The following VCL variants were observed in gnomAD, a reference collection of about 807,000 sequenced individuals.
The protein encoded by VCL is epididymis luminal protein 114.
A neutral mutation model predicts 125.7 loss-of-function variants in VCL; 47 were observed. The ratio of observed to expected loss-of-function variants is 0.37; its 90% CI spans 0.30 to 0.48. VCL has a LOEUF of 0.48. VCL is among the 20% of genes least tolerant of loss of function. The pLI is 0.99. For missense variants in VCL, 1,069 were observed against 1,455.5 expected, an observed-to-expected ratio of 0.73 and a Z score of 4.32; for synonymous variants, 458 against 514.6, an observed-to-expected ratio of 0.89 and a Z score of 1.49.
chr10:74,032,095 C>T (rs556684202), intron 1 of VCL, among the ~76,000 whole-genome samples: 193 of 137,414 alleles, frequency 1.4e-3, no homozygotes, highest in Non-Finnish European at 2.3e-3. Flanking sequence ...AAAAAAAAGC[C>T]GGGTGTGGTT....
At chr10:74,068,087 GT>G (rs746347997) in intron 2 of VCL, among the ~76,000 whole-genome samples, 2 of 152,204 alleles carry the variant, frequency 1.3e-5, no homozygotes, top group African/African-American at 2.4e-5. Context: ...GGTAAGAACT[GT>G]TTAGTATAAC....
rs1210270228 is a variant in VCL, at chr10:74,119,541, G to C, written c.*1372G>C. 1 of 152,174 alleles carries C rather than the reference G, an allele frequency of 6.6e-6. No individual in the cohort carries two copies. Among genetic ancestry groups the C allele is most frequent in the Non-Finnish European group, 1.5e-5 (1 of 68,040 alleles). 9.4% of individuals were successfully genotyped at this position (152,174 alleles called of 1,614,324 possible). A position where few individuals can be genotyped will look rare whatever the true frequency, so the allele number is the denominator to read the frequency against. ...AAGTTCCTACTAGGCAAAATGAGAGGGCAGTGTTTCCTTTTTGGTACTTAT... is the reference window on the plus strand; with the variant it reads ...AAGTTCCTACTAGGCAAAATGAGAGCGCAGTGTTTCCTTTTTGGTACTTAT... On this transcript the variant is annotated 3_prime_UTR_variant, in exon 22 of 22. Coordinates refer to ENST00000211998, the MANE Select transcript of VCL (RefSeq NM_014000.3).
chr10:74,018,177 G>GATATATAGGATATATAT (rs1555114492), intron 1 of VCL, among the ~76,000 whole-genome samples: 1 of 81,908 alleles, frequency 1.2e-5, no homozygotes, highest in African/African-American at 4.4e-5. Flanking sequence ...ATATATATAG[G>GATATATAGGATATATAT]ATATATATAT....
chr10:74,042,516 C>A (rs1425070729), intron 1 of VCL, among the ~76,000 whole-genome samples: 1 of 152,150 alleles, frequency 6.6e-6, no homozygotes, highest in Admixed American at 6.5e-5. Flanking sequence ...TCCATTGTTG[C>A]ATTCAGCATT....
intron 1 of VCL, among the ~76,000 whole-genome samples, chr10:74,002,066 C>T (rs1336709324): frequency 6.6e-6 from 1 of 152,098 alleles, no homozygotes; most frequent in African/African-American, 2.4e-5. Context: ...TTTATTGAGA[C>T]CCCTTCCAAT....
chr10:74,007,285 G>T (rs1840337420), intron 1 of VCL, among the ~76,000 whole-genome samples: 1 of 151,910 alleles, frequency 6.6e-6, no homozygotes, highest in South Asian at 2.1e-4. Context: ...GGCCAGGATT[G>T]TAACTTTAAG....
chr10:74,047,477 C>G (rs540230563), intron 2 of VCL, among the ~76,000 whole-genome samples: 2 of 152,196 alleles, frequency 1.3e-5, no homozygotes, highest in Non-Finnish European at 2.9e-5. Flanking sequence ...GTAGGACATT[C>G]TTTTGAGCTG....
intron 2 of VCL, among the ~76,000 whole-genome samples, chr10:74,043,833 C>T (rs1055850721): frequency 1.2e-4 from 18 of 151,454 alleles, no homozygotes; most frequent in African/African-American, 3.9e-4. Context: ...TTTGGCCGGG[C>T]GTGGTGGCTC....
chr10:74,083,883 G>T (rs1421027211), intron 8 of VCL, among the ~76,000 whole-genome samples: 5 of 151,154 alleles, frequency 3.3e-5, no homozygotes, highest in Admixed American at 6.6e-5. Flanking sequence ...TTGTTTGTTT[G>T]TTTGAGATGG....
intron 17 of VCL, 126 bp downstream of exon 17, chr10:74,107,480 G>C (rs1840154195): frequency 6.8e-7 from 1 of 1,470,358 alleles, no homozygotes; most frequent in Admixed American, 1.8e-5. Flanking sequence ...TTGAAGCTTA[G>C]TGGGAGGCAG....
chr10:74,062,134 G>A (rs1287066869), intron 2 of VCL, among the ~76,000 whole-genome samples: 6 of 151,386 alleles, frequency 4.0e-5, no homozygotes, highest in African/African-American at 4.9e-5. Context: ...GCACAATCAC[G>A]GCTCACTGCA....
chr10:74,110,250 T>G (rs1053150350), intron 18 of VCL, among the ~76,000 whole-genome samples: 1 of 152,106 alleles, frequency 6.6e-6, no homozygotes, highest in African/African-American at 2.4e-5. Flanking sequence ...TAAAGGAAAT[T>G]TAAATTTCAT....
intron 1 of VCL, among the ~76,000 whole-genome samples, chr10:74,013,083 C>T (rs1472457615): frequency 6.6e-6 from 1 of 152,094 alleles, no homozygotes; most frequent in African/African-American, 2.4e-5. Context: ...CATCATAGTG[C>T]TTGGCATATA....
chr10:74,104,392 G>C (rs1424657315), intron 15 of VCL, among the ~76,000 whole-genome samples: 1 of 152,098 alleles, frequency 6.6e-6, no homozygotes. Flanking sequence ...TTAAAAAGGA[G>C]AAACCAACCA....
chr10:74,099,514 G>A (rs1034582877), intron 13 of VCL, among the ~76,000 whole-genome samples: 6 of 152,098 alleles, frequency 3.9e-5, no homozygotes, highest in African/African-American at 7.2e-5. Context: ...CTGTTTTCGA[G>A]TGCTTTTTTC....
intron 8 of VCL, among the ~76,000 whole-genome samples, chr10:74,084,970 T>C (rs1186450046): frequency 6.6e-6 from 1 of 152,178 alleles, no homozygotes; most frequent in African/African-American, 2.4e-5. Flanking sequence ...AGTGCAGTGG[T>C]ATGATCATAG....
At chr10:74,043,300 TA>T in intron 2 of VCL, 147 bp downstream of exon 2, 2 of 749,070 alleles carry the variant, frequency 2.7e-6, no homozygotes, top group South Asian at 1.7e-5. Context: ...CTAACTTTTT[TA>T]AAAAAACTGT....
intron 21 of VCL, among the ~76,000 whole-genome samples, chr10:74,117,316 A>G (rs1171440367): frequency 6.6e-6 from 1 of 152,144 alleles, no homozygotes; most frequent in Non-Finnish European, 1.5e-5. Flanking sequence ...CAACCTAGGT[A>G]AAATACGTAG....
chr10:74,107,316 G>A lies in VCL; in HGVS notation c.2521G>A (p.Asp841Asn). ...AGAAGCCTTCCAACCTCAGGAGCCT[G>A]ACTTCCCGCCGCCTCCACCAGACCT... ...VREAFQPQEPDFPPPPPDLEQ... is the reference protein window; with the variant it reads ...VREAFQPQEPNFPPPPPDLEQ... Residue 841 changes from aspartate (D) to asparagine (N), a missense_variant, in exon 17 of 22, where the codon GAC (aspartate) becomes AAC (asparagine). Around this residue, in one of 6 missense-constraint regions of VCL, gnomAD observed 760 missense variants for 928.9 expected, o/e 0.82. Coordinates refer to ENST00000211998, the MANE Select transcript of VCL (RefSeq NM_014000.3). The A allele has an allele frequency of 6.2e-7, 1 of 1,614,200 alleles. No homozygotes were observed. Among genetic ancestry groups the A allele is most frequent in the Non-Finnish European group, 8.5e-7 (1 of 1,180,030 alleles).
Sources: allele counts gnomAD v4.1 joint callset (sites outside exome capture counted in the v4.1 genomes callset), GRCh38; gene constraint gnomAD v4.1.1; regional missense constraint gnomAD v4.1.1; transcripts MANE v1.5; gene names NCBI Gene and HGNC (gene_info 2026-07-23, HGNC 2026-07-21).